The following KLF15 variants were observed in gnomAD, a reference collection of about 807,000 sequenced individuals.
KLF15 encodes KLF transcription factor 15.
Under a neutral mutation model 24.6 loss-of-function variants are expected in KLF15, and 4 were observed. The observed-to-expected ratio is 0.16, with a 90% CI of 0.08 to 0.37. The LOEUF (loss-of-function observed/expected upper bound fraction) is 0.37. KLF15 is among the 10% of genes least tolerant of loss of function. KLF15 has a pLI of 1.00. For synonymous variants in KLF15, 246 were observed against 236.3 expected, an observed-to-expected ratio of 1.04 and a Z score of -0.37; for missense variants, 496 against 560.6, an observed-to-expected ratio of 0.88 and a Z score of 1.16.
At chr3:126,306,758 A>C in the KLF15 span, among the ~76,000 whole-genome samples, 1 of 152,234 alleles carries the variant, frequency 6.6e-6, no homozygotes, top group Non-Finnish European at 1.5e-5. Context: ...GCACTGCAGA[A>C]TGACAGCGAG....
In KLF15 at chr3:126,352,895, C is replaced by T. The variant is rs774069200; in HGVS notation, c.28G>A (p.Glu10Lys). 3.7e-6 allele frequency: 6 copies of T among 1,609,762 alleles called. No homozygotes were observed. Among genetic ancestry groups the T allele is most frequent in the Non-Finnish European group, 5.1e-6 (6 of 1,178,118 alleles). The change falls in exon 2 of 3, where the codon GAG (glutamate) becomes AAG (lysine). Residue 10 changes from glutamate (E) to lysine (K), a missense_variant. Around this residue, in one of 3 missense-constraint regions of KLF15, gnomAD observed 399 missense variants for 423.1 expected, o/e 0.94. Transcript: ENST00000296233. MVDHLLPVD[E>K]NFSSPKCPVG... ...GGGCATTTTGGCGACGAGAAGTTCT[C>T]GTCCACTGGAAGTAAGTGGTCCACC...
At chr3:126,329,013 AG>A in the KLF15 span, among the ~76,000 whole-genome samples, 1 of 152,188 alleles carries the variant, frequency 6.6e-6, no homozygotes, top group African/African-American at 2.4e-5. Flanking sequence ...CTTCACTCAT[AG>A]GGTGTCTGTT....
the KLF15 span, among the ~76,000 whole-genome samples, chr3:126,316,099 T>C: frequency 6.6e-6 from 1 of 152,160 alleles, no homozygotes; most frequent in Non-Finnish European, 1.5e-5. Context: ...AAACAAATAA[T>C]TGCGGCAGAG....
At chr3:126,344,020 G>T in intron 2 of KLF15, 125 bp from the exon 3 acceptor site, 2 of 959,320 alleles carry the variant, frequency 2.1e-6, no homozygotes, top group Non-Finnish European at 3.0e-6. Context: ...GCGCAGACCT[G>T]CAGCCTCTAC....
the KLF15 span, among the ~76,000 whole-genome samples, chr3:126,318,378 T>C: frequency 0.5 from 75,551 of 151,946 alleles, 18,988 homozygotes; most frequent in African/African-American, 0.54. Context: ...CTACTTCATT[T>C]CTTGACTCCT....
chr3:126,331,164 A>G, the KLF15 span, among the ~76,000 whole-genome samples: 1 of 152,162 alleles, frequency 6.6e-6, no homozygotes, highest in Non-Finnish European at 1.5e-5. Flanking sequence ...ACCAGCCCCC[A>G]TCATGAGCCC....
Position 126,352,947 on chromosome 3 carries a change from G to GCT in KLF15, c.-25-2_-25-1dup. The GCT allele has an allele frequency of 1.3e-6, 2 of 1,573,552 alleles. No homozygotes were observed. The highest frequency in any genetic ancestry group is 1.7e-6 in the Non-Finnish European group (2 of 1,158,408). On this transcript the variant is annotated splice_region_variant and 5_prime_UTR_variant. Transcript: ENST00000296233. Reference sequence around the variant, plus strand: ...TGCTGGCCTGGCCGTGCCGGTGGCGGCTGCAGGAAAGGAACACAGGAGGCC... The same window carrying GCT: ...TGCTGGCCTGGCCGTGCCGGTGGCGGCTCTGCAGGAAAGGAACACAGGAGGCC...
chr3:126,311,484 A>T, the KLF15 span, among the ~76,000 whole-genome samples: 1 of 152,098 alleles, frequency 6.6e-6, no homozygotes, highest in Admixed American at 6.5e-5. Flanking sequence ...CATCAGTCCA[A>T]CCCGGAGGTG....
chr3:126,301,194 G>T, the KLF15 span, among the ~76,000 whole-genome samples: 2 of 152,196 alleles, frequency 1.3e-5, no homozygotes, highest in African/African-American at 4.8e-5. Flanking sequence ...CAGGGTTTCA[G>T]TCCTCAGGGC....
In KLF15 at chr3:126,352,462, G is replaced by A; in HGVS notation, c.461C>T (p.Pro154Leu). The A allele has an allele frequency of 6.2e-7, 1 of 1,613,570 alleles. No individual in the cohort carries two copies. The highest frequency in any genetic ancestry group is 8.5e-7 in the Non-Finnish European group (1 of 1,180,030). ...GCCCTCAGGGACCTCCTTGACTCCA[G>A]GCTCCATGTTCTCCTCCAGAAACTC... ...IEEFLEENME[P>L]GVKEVPEGNS... is the part of the protein sequence containing the mutation. Residue 154 changes from proline (P) to leucine (L), a missense_variant, in exon 2 of 3, where the codon CCT (proline) becomes CTT (leucine). Physicochemically the swap from Pro to Leu is moderately conservative, Grantham distance 98. This residue lies in a region of KLF15 where 399 missense variants were observed against 423.1 expected (regional missense o/e 0.94). Transcript: ENST00000296233.
the KLF15 span, chr3:126,291,212 G>A: frequency 2.0e-5 from 3 of 152,238 alleles, no homozygotes; most frequent in Non-Finnish European, 2.9e-5. Context: ...AATGAAAGAG[G>A]GCACAGCAAC....
the KLF15 span, among the ~76,000 whole-genome samples, chr3:126,329,488 T>G: frequency 6.6e-6 from 1 of 152,114 alleles, no homozygotes; most frequent in South Asian, 2.1e-4. Context: ...CTGTCTCAAA[T>G]AGAATTAATA....
the KLF15 span, among the ~76,000 whole-genome samples, chr3:126,292,719 G>A: frequency 8.5e-5 from 13 of 152,200 alleles, no homozygotes; most frequent in Non-Finnish European, 1.6e-4. Context: ...TGGACGAGGG[G>A]AGGGAAGCAG....
chr3:126,317,147 T>C, the KLF15 span, among the ~76,000 whole-genome samples: 1 of 152,150 alleles, frequency 6.6e-6, no homozygotes, highest in East Asian at 1.9e-4. Flanking sequence ...GAACAGGGCC[T>C]GCCTGTGCCC....
chr3:126,306,474 A>G, the KLF15 span, among the ~76,000 whole-genome samples: 26 of 152,354 alleles, frequency 1.7e-4, no homozygotes, highest in South Asian at 5.0e-3. Context: ...CATGCCTTGA[A>G]GAAGTCCAAA....
At chr3:126,354,271 G>A (rs569750435) in intron 1 of KLF15, 1 of 152,458 alleles carries the variant, frequency 6.6e-6, no homozygotes, top group Non-Finnish European at 1.5e-5. Context: ...GGCAGGCTGG[G>A]TGTTTATCAA....
the KLF15 span, among the ~76,000 whole-genome samples, chr3:126,312,136 C>G: frequency 6.6e-6 from 1 of 152,210 alleles, no homozygotes; most frequent in Admixed American, 6.5e-5. Context: ...GATGCTGTGG[C>G]TGTCAGAGCT....
chr3:126,354,515 G>A (rs936531464), intron 1 of KLF15, among the ~76,000 whole-genome samples: 2 of 152,074 alleles, frequency 1.3e-5, no homozygotes, highest in African/African-American at 2.4e-5. Context: ...TTCCTGCTCA[G>A]GGACCCCAGG....
the KLF15 span, among the ~76,000 whole-genome samples, chr3:126,316,439 T>TGAGTGGGGAAGGGATACTATGGGCCG: frequency 0.67 from 78,263 of 117,684 alleles, 24,730 homozygotes; most frequent in African/African-American, 0.79. Flanking sequence ...TGCATGGGCC[T>TGAGTGGGGAAGGGATACTATGGGCCG]GAGTGGGGAA....
Sources: gnomAD v4.1 joint callset for allele counts (sites outside exome capture counted in the v4.1 genomes callset) on GRCh38, gnomAD v4.1.1 for gene constraint, gnomAD v4.1.1 regional missense constraint, MANE v1.5 for transcripts, NCBI Gene and HGNC (gene_info 2026-07-23, HGNC 2026-07-21) for gene names.